RGS6: variants seen among roughly 807,000 people sequenced by gnomAD.
The protein encoded by RGS6 is regulator of G-protein signaling 6.
A neutral mutation model predicts 78.5 loss-of-function variants in RGS6; 30 were observed. That is an observed-to-expected ratio of 0.38 (90% CI 0.29 to 0.52). RGS6 has a LOEUF of 0.52. Among genes scored for constraint, RGS6 ranks in the 20% least tolerant of loss-of-function variants. The pLI, the probability that RGS6 is intolerant of heterozygous loss-of-function variation, is 0.85. For synonymous variants in RGS6, 206 were observed against 206.0 expected (o/e 1.00, Z 0.00); for missense variants, 495 against 609.7 (o/e 0.81, Z 1.98).
At chr14:72,058,413 TCA>T (rs2093725346) in intron 2 of RGS6, among the ~76,000 whole-genome samples, 1 of 152,124 alleles carries the variant, frequency 6.6e-6, no homozygotes, top group Non-Finnish European at 1.5e-5. Flanking sequence ...AACTCTAAAA[TCA>T]CATGGTTATT....
intron 2 of RGS6, among the ~76,000 whole-genome samples, chr14:72,059,660 G>C (rs1376687269): frequency 6.6e-6 from 1 of 152,142 alleles, no homozygotes; most frequent in Non-Finnish European, 1.5e-5. Flanking sequence ...CTAACCCCCA[G>C]TGTGATGGTA....
At chr14:71,912,010 G>A in the RGS6 span, among the ~76,000 whole-genome samples, 1,427 of 152,302 alleles carry the variant, frequency 9.4e-3, 19 homozygotes, top group South Asian at 0.056. Flanking sequence ...ATTAAAATTA[G>A]GTTCTATCCA....
intron 12 of RGS6, among the ~76,000 whole-genome samples, chr14:72,481,031 G>A (rs1332688960): frequency 6.6e-6 from 1 of 152,124 alleles, no homozygotes; most frequent in Admixed American, 6.5e-5. Context: ...TAAAGGGGCA[G>A]AACAGACAGT....
At chr14:72,109,303 T>C (rs1447628506) in intron 2 of RGS6, among the ~76,000 whole-genome samples, 1 of 152,182 alleles carries the variant, frequency 6.6e-6, no homozygotes, top group African/African-American at 2.4e-5. Context: ...CCCAGTTTTG[T>C]TGTAAATGTC....
chr14:72,624,458 C>A, the RGS6 span, among the ~76,000 whole-genome samples: 1 of 151,450 alleles, frequency 6.6e-6, no homozygotes, highest in African/African-American at 2.4e-5. Context: ...CCTGCCTCAG[C>A]GTCCTGAGTA....
chr14:72,456,468 A>AT (rs2095633865), intron 4 of RGS6, among the ~76,000 whole-genome samples: 1 of 151,918 alleles, frequency 6.6e-6, no homozygotes, highest in Non-Finnish European at 1.5e-5. Flanking sequence ...TTTTTGTTTT[A>AT]TTTTTTGTAG....
intron 12 of RGS6, among the ~76,000 whole-genome samples, chr14:72,487,933 A>G (rs1193927854): frequency 2.0e-5 from 3 of 152,162 alleles, no homozygotes; most frequent in Non-Finnish European, 4.4e-5. Context: ...TCTTTAATAT[A>G]CCAGCATCTC....
At chr14:72,150,952 C>T (rs982975550) in intron 2 of RGS6, among the ~76,000 whole-genome samples, 2 of 152,158 alleles carry the variant, frequency 1.3e-5, no homozygotes, top group African/African-American at 4.8e-5. Context: ...TGTGTATCCT[C>T]TTTATCAGGT....
chr14:72,486,073 A>G (rs2096483982), intron 12 of RGS6, among the ~76,000 whole-genome samples: 1 of 142,292 alleles, frequency 7.0e-6, no homozygotes, highest in African/African-American at 2.7e-5. Context: ...GTAAGTTCTC[A>G]TGAGACCTGA....
the RGS6 span, among the ~76,000 whole-genome samples, chr14:71,877,751 A>T: frequency 6.6e-6 from 1 of 152,158 alleles, no homozygotes; most frequent in Non-Finnish European, 1.5e-5. Flanking sequence ...TTTGGAGGAG[A>T]AGAGCACTCT....
the RGS6 span, among the ~76,000 whole-genome samples, chr14:72,628,507 C>T: frequency 6.6e-6 from 1 of 152,088 alleles, no homozygotes; most frequent in Non-Finnish European, 1.5e-5. Flanking sequence ...CACTATTTTG[C>T]AACCCCTAAC....
intron 2 of RGS6, among the ~76,000 whole-genome samples, chr14:72,128,633 A>T (rs150779045): frequency 2.7e-3 from 407 of 152,236 alleles, no homozygotes; most frequent in Non-Finnish European, 4.5e-3. Flanking sequence ...GATGAAGCAG[A>T]TTCATTAAAT....
chr14:72,005,439 C>CTATCTATCTATCTA (rs2084325734), intron 2 of RGS6, among the ~76,000 whole-genome samples: 4 of 143,638 alleles, frequency 2.8e-5, no homozygotes, highest in East Asian at 2.0e-4. Context: ...ACCTGCATAT[C>CTATCTATCTATCTA]TCTATCTATC....
Position 71,981,853 on chromosome 14 carries a change from G to T in RGS6, c.84+16978G>T, listed in dbSNP as rs911289446. Among the ~76,000 whole-genome samples the T allele has an allele frequency of 9.0e-5, 13 of 143,696 alleles. 1 individual carries two copies. Among genetic ancestry groups the T allele is most frequent in the South Asian group, 2.4e-4 (1 of 4,144 alleles). The allele number at this position is 143,696 out of a possible 152,430, so 94.3% of individuals were successfully genotyped here. A position where few individuals can be genotyped will look rare whatever the true frequency, so the allele number is the denominator to read the frequency against. On this transcript the variant is annotated intron_variant, in intron 2 of 17. Coordinates refer to ENST00000553525, the MANE Select transcript of RGS6 (RefSeq NM_001204424.2). ...CCGGCTGCTTTGTTTACCTAAGCAA[G>T]CCTGGGCAATGGTGGGCACCCCTCC...
chr14:72,265,940 G>A (rs1005820), intron 2 of RGS6, among the ~76,000 whole-genome samples: 1 of 53,948 alleles, frequency 1.9e-5, no homozygotes, highest in African/African-American at 5.8e-5. Flanking sequence ...CGCTTTTTTG[G>A]GGGGGGGGGC....
At chr14:72,395,537 AT>A (rs536389848) in intron 3 of RGS6, among the ~76,000 whole-genome samples, 6 of 151,742 alleles carry the variant, frequency 4.0e-5, no homozygotes, top group East Asian at 3.9e-4. Flanking sequence ...CAACATAATT[AT>A]TTTTTTTATT....
chr14:72,407,773 A>T (rs927567352), intron 3 of RGS6, among the ~76,000 whole-genome samples: 2 of 152,230 alleles, frequency 1.3e-5, no homozygotes, highest in African/African-American at 4.8e-5. Context: ...CATTGCTATT[A>T]TGGCTGGATC....
chr14:72,107,088 A>G (rs2095649132), intron 2 of RGS6, among the ~76,000 whole-genome samples: 1 of 152,138 alleles, frequency 6.6e-6, no homozygotes, highest in East Asian at 1.9e-4. Context: ...AAAGTCTTAG[A>G]TGGAATAAAT....
At chr14:72,409,146 T>C (rs1227897286) in intron 3 of RGS6, among the ~76,000 whole-genome samples, 1 of 152,138 alleles carries the variant, frequency 6.6e-6, no homozygotes, top group Non-Finnish European at 1.5e-5. Flanking sequence ...TCAACAAAAA[T>C]GGAACCTGTA....
Sources: allele counts gnomAD v4.1 joint callset (sites outside exome capture counted in the v4.1 genomes callset), GRCh38; gene constraint gnomAD v4.1.1; transcripts MANE v1.5; gene names NCBI Gene and HGNC (gene_info 2026-07-23, HGNC 2026-07-21).